The following ZBTB16 variants were observed in gnomAD, a reference collection of about 807,000 sequenced individuals.
ZBTB16 encodes the protein zinc finger and BTB domain-containing protein 16.
Under a neutral mutation model 56.8 loss-of-function variants are expected in ZBTB16, and 8 were observed. The observed-to-expected ratio is 0.14, with a 90% CI of 0.08 to 0.25. ZBTB16 has a LOEUF of 0.25. Among genes scored for constraint, ZBTB16 ranks in the 10% least tolerant of loss-of-function variants. The probability of loss-of-function intolerance (pLI) is 1.00; values close to 1 mark genes in which losing one functional copy is unlikely to be tolerated. For synonymous variants in ZBTB16, 363 were observed against 368.5 expected (o/e 0.98, Z 0.17); for missense variants, 625 against 903.0 (o/e 0.69, Z 3.95).
chr11:114,184,001 A>G (rs1420087244), intron 3 of ZBTB16, among the ~76,000 whole-genome samples: 3 of 152,236 alleles, frequency 2.0e-5, no homozygotes, highest in East Asian at 3.8e-4. Context: ...AGAGGTCACC[A>G]TGGGATTCTC....
chr11:114,220,560 G>A (rs564719986), intron 4 of ZBTB16, among the ~76,000 whole-genome samples: 2 of 152,328 alleles, frequency 1.3e-5, no homozygotes, highest in Non-Finnish European at 2.9e-5. Flanking sequence ...TTTGATTAAT[G>A]TCTCCTTCAG....
intron 3 of ZBTB16, among the ~76,000 whole-genome samples, chr11:114,177,026 A>G (rs1039206286): frequency 6.6e-6 from 1 of 152,126 alleles, no homozygotes; most frequent in Non-Finnish European, 1.5e-5. Flanking sequence ...TGGAAATACT[A>G]TGGGCTGCAT....
At chr11:114,070,150 G>A (rs553645286) in intron 2 of ZBTB16, among the ~76,000 whole-genome samples, 17 of 132,344 alleles carry the variant, frequency 1.3e-4, no homozygotes, top group African/African-American at 3.1e-4. Flanking sequence ...CGCCCAGGTC[G>A]GACTGCGGAC....
At chr11:114,176,562 G>A (rs1397536861) in intron 3 of ZBTB16, among the ~76,000 whole-genome samples, 1 of 152,138 alleles carries the variant, frequency 6.6e-6, no homozygotes, top group Non-Finnish European at 1.5e-5. Context: ...GCTGAACCGG[G>A]GAACCCAGCC....
chr11:114,157,639 G>A (rs936941344), intron 3 of ZBTB16, among the ~76,000 whole-genome samples: 17 of 152,154 alleles, frequency 1.1e-4, no homozygotes, highest in South Asian at 4.1e-4. Context: ...CTCTTCGTTC[G>A]CTTTTTCTGC....
intron 2 of ZBTB16, among the ~76,000 whole-genome samples, chr11:114,116,669 C>T (rs766126810): frequency 1.3e-5 from 2 of 152,138 alleles, no homozygotes; most frequent in Admixed American, 6.5e-5. Flanking sequence ...AGGCGTAATG[C>T]GTTCCTAGCT....
intron 2 of ZBTB16, among the ~76,000 whole-genome samples, chr11:114,116,256 C>T (rs898585739): frequency 6.6e-6 from 1 of 152,148 alleles, no homozygotes; most frequent in Non-Finnish European, 1.5e-5. Context: ...TAGTTACTGA[C>T]GGATGAAATC....
chr11:114,237,214 A>G (rs751894503), intron 4 of ZBTB16: 1 of 152,272 alleles, frequency 6.6e-6, no homozygotes, highest in Non-Finnish European at 1.5e-5. Flanking sequence ...TTTGGCCATC[A>G]TTGGCTCTGT....
intron 2 of ZBTB16, among the ~76,000 whole-genome samples, chr11:114,122,794 G>A (rs1240998703): frequency 6.6e-5 from 10 of 152,202 alleles, no homozygotes; most frequent in Admixed American, 6.5e-5. Flanking sequence ...TCTAGAAAGA[G>A]ACACAGTCTG....
At chr11:114,128,771 T>G (rs1941583233) in intron 2 of ZBTB16, among the ~76,000 whole-genome samples, 1 of 152,194 alleles carries the variant, frequency 6.6e-6, no homozygotes, top group Non-Finnish European at 1.5e-5. Context: ...GGTTTTAAGT[T>G]AGTGCCTTCC....
At chr11:114,142,540 A>G (rs550247222) in intron 2 of ZBTB16, among the ~76,000 whole-genome samples, 2 of 152,332 alleles carry the variant, frequency 1.3e-5, no homozygotes, top group Middle Eastern at 3.4e-3. Context: ...ATAAATTTGG[A>G]ATTTATCGCT....
At chr11:114,124,561 A>C (rs547437221) in intron 2 of ZBTB16, among the ~76,000 whole-genome samples, 151 of 147,716 alleles carry the variant, frequency 1.0e-3, no homozygotes, top group African/African-American at 3.4e-3. Context: ...AAAAACCAAA[A>C]AAAAAAAAAA....
intron 2 of ZBTB16, among the ~76,000 whole-genome samples, chr11:114,137,037 T>C (rs747328469): frequency 2.6e-5 from 4 of 152,170 alleles, no homozygotes; most frequent in Admixed American, 6.5e-5. Flanking sequence ...CTTGAGTACA[T>C]TCATTTATTC....
chr11:114,117,192 GA>G (rs1002536943), intron 2 of ZBTB16, among the ~76,000 whole-genome samples: 3 of 152,114 alleles, frequency 2.0e-5, no homozygotes, highest in African/African-American at 7.2e-5. Flanking sequence ...GGTTTCACCA[GA>G]GCTTGAGATG....
rs774495039 is a variant in ZBTB16 at position 114,063,571 on chromosome 11, A to G, written c.271A>G (p.Thr91Ala). 2 of 1,614,232 alleles carry G rather than the reference A, an allele frequency of 1.2e-6. No homozygotes were observed. Residue 91 changes from threonine to alanine, a missense_variant, in exon 2 of 7, where the codon ACG becomes GCG. By Grantham distance (58) the Thr-to-Ala change is moderately conservative (BLOSUM62 0). This residue lies in a region of ZBTB16 where 54 missense variants were observed against 159.4 expected (regional missense o/e 0.34). Transcript: ENST00000335953. The surrounding 1 kb of genome is among the most constrained non-coding windows in gnomAD (Gnocchi z 6.5). ...QQILEYAYTA[T>A]LQAKAEDLDD... The stretch of plus-strand genomic sequence containing the variant: ...GATTCTGGAGTATGCATATACAGCC[A>G]CGCTGCAAGCCAAGGCGGAGGACCT...
In ZBTB16 at chr11:114,195,763, C is replaced by G. The variant is rs144878324; in HGVS notation, c.1453+8725C>G. Among the ~76,000 whole-genome samples, 915 of 152,296 alleles carry G rather than the reference C, an allele frequency of 6.0e-3. 10 individuals are homozygous for G. Among genetic ancestry groups the G allele is most frequent in the African/African-American group, 0.021 (870 of 41,550 alleles). Reference sequence around the variant, plus strand: ...AGGAAATGGAGGTGCCAGTTTCTCTCATCGCATCATCCTGGTCTTCCTCAG... The same window carrying G: ...AGGAAATGGAGGTGCCAGTTTCTCTGATCGCATCATCCTGGTCTTCCTCAG... On this transcript the variant is annotated intron_variant, in intron 4 of 6. Transcript: ENST00000335953.
chr11:114,113,619 C>A (rs1021768796), intron 2 of ZBTB16, among the ~76,000 whole-genome samples: 1 of 152,166 alleles, frequency 6.6e-6, no homozygotes, highest in Non-Finnish European at 1.5e-5. Context: ...AGATCTTTGC[C>A]CTTCTGAAGC....
chr11:114,103,523 G>A (rs1293539222), intron 2 of ZBTB16, among the ~76,000 whole-genome samples: 1 of 151,976 alleles, frequency 6.6e-6, no homozygotes, highest in African/African-American at 2.4e-5. Context: ...GTAACCACAT[G>A]TAACAGCCGG....
At chr11:114,178,556 T>A (rs1231022944) in intron 3 of ZBTB16, among the ~76,000 whole-genome samples, 1 of 152,134 alleles carries the variant, frequency 6.6e-6, no homozygotes, top group Non-Finnish European at 1.5e-5. Context: ...CTGTGGACAG[T>A]GTTTCTAAGC....
Sources: gnomAD v4.1 joint callset for allele counts (sites outside exome capture counted in the v4.1 genomes callset) on GRCh38, gnomAD v4.1.1 for gene constraint, gnomAD v4.1.1 regional missense constraint, Gnocchi (gnomAD v3.1) non-coding constraint, MANE v1.5 for transcripts, NCBI Gene and HGNC (gene_info 2026-07-23, HGNC 2026-07-21) for gene names.